ANO10: variants seen among roughly 807,000 people sequenced by gnomAD.
The protein encoded by ANO10 is anoctamin-10.
A neutral mutation model predicts 74.7 loss-of-function variants in ANO10; 77 were observed. That is an observed-to-expected ratio of 1.03 (90% CI 0.86 to 1.25). The LOEUF (loss-of-function observed/expected upper bound fraction) is 1.25, where lower values mean the gene tolerates loss of function less well. Ranked by LOEUF, ANO10 falls within the 50% of genes most tolerant of loss-of-function variation. ANO10 has a pLI of 0.00. For missense variants in ANO10, 721 were observed against 778.1 expected, an observed-to-expected ratio of 0.93 and a Z score of 0.87; for synonymous variants, 279 against 284.9, an observed-to-expected ratio of 0.98 and a Z score of 0.21.
intron 11 of ANO10, among the ~76,000 whole-genome samples, chr3:43,545,106 G>A (rs1035049726): frequency 2.6e-5 from 4 of 151,996 alleles, no homozygotes; most frequent in Non-Finnish European, 5.9e-5. Flanking sequence ...TATATTTATA[G>A]ACTATGGCAT....
intron 1 of ANO10, among the ~76,000 whole-genome samples, chr3:43,620,624 A>C (rs2083342610): frequency 6.6e-6 from 1 of 152,168 alleles, no homozygotes; most frequent in African/African-American, 2.4e-5. Flanking sequence ...CTAAAAACAC[A>C]AAAATTAGCC....
intron 1 of ANO10, among the ~76,000 whole-genome samples, chr3:43,640,362 A>T (rs1227390553): frequency 6.6e-6 from 1 of 152,180 alleles, no homozygotes; most frequent in Non-Finnish European, 1.5e-5. Flanking sequence ...ATATTGGCTG[A>T]ATTTTTTTAA....
chr3:43,669,762 C>T (rs1254441556), intron 1 of ANO10, among the ~76,000 whole-genome samples: 1 of 151,826 alleles, frequency 6.6e-6, no homozygotes, highest in African/African-American at 2.4e-5. Context: ...AGTTTTTGCT[C>T]ATCGCCCAGG....
intron 3 of ANO10, among the ~76,000 whole-genome samples, chr3:43,599,887 C>CA (rs1418806559): frequency 2.7e-5 from 4 of 147,728 alleles, no homozygotes; most frequent in Non-Finnish European, 4.5e-5. Flanking sequence ...GCCTGGGCGA[C>CA]AGAGCGAGAC....
At chr3:43,628,918 G>T (rs963535547) in intron 1 of ANO10, among the ~76,000 whole-genome samples, 1 of 152,030 alleles carries the variant, frequency 6.6e-6, no homozygotes, top group Non-Finnish European at 1.5e-5. Flanking sequence ...TTTTAATTTC[G>T]CCCCAGTCCT....
chr3:43,476,250 T>G (rs1447925031), intron 11 of ANO10, among the ~76,000 whole-genome samples: 1 of 152,188 alleles, frequency 6.6e-6, no homozygotes, highest in Non-Finnish European at 1.5e-5. Context: ...AGAAGAAAAT[T>G]CCAAAAAATA....
At chr3:43,446,418 A>AC (rs879438362) in intron 11 of ANO10, among the ~76,000 whole-genome samples, 3 of 152,234 alleles carry the variant, frequency 2.0e-5, no homozygotes, top group Non-Finnish European at 4.4e-5. Context: ...AGAGAGAGCA[A>AC]CTTCATACAA....
At chr3:43,431,823 G>C (rs1431616646) in intron 12 of ANO10, among the ~76,000 whole-genome samples, 1 of 151,962 alleles carries the variant, frequency 6.6e-6, no homozygotes, top group South Asian at 2.1e-4. Context: ...TTGATCAAAG[G>C]GTCATCTTAG....
At chr3:43,557,995 C>T (rs1046000542) in intron 9 of ANO10, among the ~76,000 whole-genome samples, 2 of 150,806 alleles carry the variant, frequency 1.3e-5, no homozygotes, top group African/African-American at 4.9e-5. Context: ...GTCCCAGCTA[C>T]TCAGGAGGCT....
intron 11 of ANO10, among the ~76,000 whole-genome samples, chr3:43,533,787 T>A (rs967846808): frequency 6.6e-6 from 1 of 152,234 alleles, no homozygotes; most frequent in Non-Finnish European, 1.5e-5. Flanking sequence ...AACTGCTTTG[T>A]AAAATACCAT....
chr3:43,673,155 T>C (rs1188949506), intron 1 of ANO10, among the ~76,000 whole-genome samples: 1 of 152,200 alleles, frequency 6.6e-6, no homozygotes, highest in Non-Finnish European at 1.5e-5. Flanking sequence ...CCTCTATGCA[T>C]CCCTGCAGAG....
chr3:43,534,424 C>A (rs2078607434), intron 11 of ANO10, among the ~76,000 whole-genome samples: 1 of 152,036 alleles, frequency 6.6e-6, no homozygotes, highest in South Asian at 2.1e-4. Flanking sequence ...GTTTTCAGAA[C>A]TCTGTTCACG....
At chr3:43,656,085 T>C (rs2083846810) in intron 1 of ANO10, among the ~76,000 whole-genome samples, 2 of 149,834 alleles carry the variant, frequency 1.3e-5, no homozygotes, top group South Asian at 4.3e-4. Context: ...AGGGTGCTGA[T>C]TGGTGTGTTT....
intron 11 of ANO10, among the ~76,000 whole-genome samples, chr3:43,494,399 G>A (rs1288563396): frequency 6.6e-6 from 1 of 152,190 alleles, no homozygotes; most frequent in Non-Finnish European, 1.5e-5. Flanking sequence ...GTTGCAGTGA[G>A]CTGAGATTGC....
At chr3:43,434,261 A>T (rs2093034531) in intron 11 of ANO10, among the ~76,000 whole-genome samples, 1 of 152,228 alleles carries the variant, frequency 6.6e-6, no homozygotes, top group South Asian at 2.1e-4. Context: ...GATACTGATT[A>T]AGGGTCTAGA....
intron 1 of ANO10, among the ~76,000 whole-genome samples, chr3:43,615,888 T>C (rs1028751305): frequency 2.0e-5 from 3 of 151,954 alleles, no homozygotes; most frequent in South Asian, 2.1e-4. Context: ...CTCCTGACCT[T>C]GTGATCCGCC....
intron 12 of ANO10, among the ~76,000 whole-genome samples, chr3:43,376,210 A>G (rs977989694): frequency 6.6e-6 from 1 of 152,254 alleles, no homozygotes; most frequent in Non-Finnish European, 1.5e-5. Context: ...ATTCAGGAAC[A>G]AGAAAGGTTA....
intron 5 of ANO10, among the ~76,000 whole-genome samples, 171 bp from the exon 6 acceptor site, chr3:43,577,432 C>T (rs2081065724): frequency 6.6e-6 from 1 of 152,210 alleles, no homozygotes; most frequent in Non-Finnish European, 1.5e-5. Flanking sequence ...CCCTGCTTGT[C>T]TGCATGGCAG....
At chr3:43,383,758 G>C (rs1269107482) in intron 12 of ANO10, among the ~76,000 whole-genome samples, 1 of 152,086 alleles carries the variant, frequency 6.6e-6, no homozygotes, top group Non-Finnish European at 1.5e-5. Flanking sequence ...AGCAAAATCA[G>C]CATAGAAGGG....
Sources: allele counts gnomAD v4.1 joint callset (sites outside exome capture counted in the v4.1 genomes callset), GRCh38; gene constraint gnomAD v4.1.1; transcripts MANE v1.5; gene names NCBI Gene and HGNC (gene_info 2026-07-23, HGNC 2026-07-21).